Variants in RAVER2 observed in about 807,000 individuals in gnomAD.
RAVER2 encodes the protein ribonucleoprotein, PTB binding 2.
Under a neutral mutation model 78.1 loss-of-function variants are expected in RAVER2, and 46 were observed. The observed-to-expected ratio is 0.59, with a 90% CI of 0.46 to 0.75. RAVER2 has a LOEUF of 0.75. Ranked by LOEUF, RAVER2 falls within the 30% of genes least tolerant of loss-of-function variation. The pLI, the probability that RAVER2 is intolerant of heterozygous loss-of-function variation, is 0.00. For missense variants in RAVER2, 793 were observed against 837.5 expected (o/e 0.95, Z 0.66); for synonymous variants, 311 against 313.3 (o/e 0.99, Z 0.08).
chr1:64,747,167 G>A (rs1431345626), intron 1 of RAVER2, among the ~76,000 whole-genome samples: 1 of 152,092 alleles, frequency 6.6e-6, no homozygotes, highest in Non-Finnish European at 1.5e-5. Context: ...ATTACACTGG[G>A]ATTTGTATTT....
At chr1:64,805,146 G>A (rs1161581179) in intron 8 of RAVER2, 41 bp downstream of exon 8, 4 of 1,534,536 alleles carry the variant, frequency 2.6e-6, no homozygotes, top group Admixed American at 1.7e-5. Context: ...TAAACAGTCA[G>A]GTTTGAGATT....
intron 11 of RAVER2, among the ~76,000 whole-genome samples, chr1:64,823,238 G>C (rs186848902): frequency 6.6e-6 from 1 of 152,312 alleles, no homozygotes; most frequent in East Asian, 1.9e-4. Flanking sequence ...AAAGTAGTTA[G>C]TTATGAGCAA....
chr1:64,814,852 C>A lies in RAVER2; in HGVS notation c.1929+12C>A. 1 of 1,529,142 alleles carries A rather than the reference C, an allele frequency of 6.5e-7. No homozygotes were observed. Among genetic ancestry groups the A allele is most frequent in the Non-Finnish European group, 8.8e-7 (1 of 1,134,674 alleles). 94.7% of individuals were successfully genotyped at this position (1,529,142 alleles called of 1,614,324 possible). On this transcript the variant is annotated intron_variant, in intron 11 of 11. Transcript: ENST00000294428. ...GTGATTATGCACAGGTAAATAATTC[C>A]CAGGTTCTGATGATACTCAGAAAAA...
At chr1:64,821,598 A>C (rs1301128712) in intron 11 of RAVER2, among the ~76,000 whole-genome samples, 2 of 152,228 alleles carry the variant, frequency 1.3e-5, no homozygotes, top group Admixed American at 1.3e-4. Context: ...AACAGAATAG[A>C]GAGCCCAGAA....
chr1:64,750,964 A>G (rs915270512), intron 1 of RAVER2, among the ~76,000 whole-genome samples: 1 of 152,230 alleles, frequency 6.6e-6, no homozygotes, highest in Non-Finnish European at 1.5e-5. Flanking sequence ...CTGGGACACC[A>G]CTGTCTCCTT....
chr1:64,789,478 C>T (rs373293420), exon 5 of RAVER2: 6 of 1,609,140 alleles, frequency 3.7e-6, no homozygotes, highest in Middle Eastern at 1.7e-4. Context: ...GCAAGTTCTT[C>T]TACAGCCCCA....
At chr1:64,762,979 A>G (rs555370981) in intron 1 of RAVER2, among the ~76,000 whole-genome samples, 2 of 152,240 alleles carry the variant, frequency 1.3e-5, no homozygotes, top group African/African-American at 2.4e-5. Context: ...TGCAATACCA[A>G]TATTTGACAA....
chr1:64,833,091 G>GTGTTGTT (rs60101975), exon 12 of RAVER2: 13,389 of 179,728 alleles, frequency 0.074, 698 homozygotes, highest in Non-Finnish European at 0.097. Context: ...AAATCAAGTG[G>GTGTTGTT]TGTTTGTTTG....
intron 11 of RAVER2, chr1:64,816,327 T>A (rs1471022609): frequency 1.3e-5 from 2 of 152,214 alleles, no homozygotes; most frequent in Non-Finnish European, 2.9e-5. Context: ...AGAGATATGG[T>A]GGGGAAATGA....
chr1:64,776,279 T>C (rs772203088), intron 2 of RAVER2, among the ~76,000 whole-genome samples: 2 of 152,214 alleles, frequency 1.3e-5, no homozygotes, highest in Non-Finnish European at 2.9e-5. Context: ...AGATAGCCTT[T>C]TAATAAGGGC....
exon 9 of RAVER2, chr1:64,807,374 C>T (rs748813614): frequency 4.3e-6 from 7 of 1,614,140 alleles, no homozygotes; most frequent in Non-Finnish European, 5.9e-6. Flanking sequence ...GGGTCGCAGC[C>T]TTATCTTCAG....
At chr1:64,760,816 G>T (rs1055058747) in intron 1 of RAVER2, among the ~76,000 whole-genome samples, 4 of 152,128 alleles carry the variant, frequency 2.6e-5, no homozygotes, top group Non-Finnish European at 5.9e-5. Flanking sequence ...AGATTAGGAG[G>T]CCAGTGATGC....
In RAVER2 at chr1:64,745,505, A is replaced by T; in HGVS notation, c.249+84A>T. 1 of 1,417,030 alleles carries T rather than the reference A, an allele frequency of 7.1e-7. No homozygotes were observed. Among genetic ancestry groups the T allele is most frequent in the Non-Finnish European group, 9.4e-7 (1 of 1,069,220 alleles). The allele number at this position is 1,417,030 out of a possible 1,614,324, so 87.8% of individuals were successfully genotyped here. A position where few individuals can be genotyped will look rare whatever the true frequency, so the allele number is the denominator to read the frequency against. ...TCCAGGCTGGGATCGGGGGCGCCTC[A>T]GAGCGGTCCTGGGGAGTGGGTCGGC... On this transcript the variant is annotated intron_variant, in intron 1 of 11. Transcript: ENST00000294428. This position sits in a 1 kb window ranked among gnomAD's most constrained non-coding sequence, Gnocchi z 4.3.
intron 9 of RAVER2, among the ~76,000 whole-genome samples, chr1:64,809,565 C>T (rs893058373): frequency 4.6e-5 from 7 of 151,992 alleles, no homozygotes; most frequent in East Asian, 3.9e-4. Context: ...GAATTTTATT[C>T]AGGGAGACAG....
chr1:64,808,996 A>G lies in RAVER2; in HGVS notation c.1680+1522A>G, dbSNP rs189384706. Among the ~76,000 whole-genome samples the G allele has an allele frequency of 2.1e-3, 321 of 152,272 alleles. 3 individuals carry two copies. The highest frequency in any genetic ancestry group is 7.1e-3 in the African/African-American group (294 of 41,562). On this transcript the variant is annotated intron_variant, in intron 9 of 11. Coordinates refer to ENST00000294428, the Ensembl canonical transcript of RAVER2. ...GCCAAAATGGGGGCAGGTTCTGGAAAATAAGTCCTGTGAAGAAGAATTCAG... is the reference window on the plus strand; with the variant it reads ...GCCAAAATGGGGGCAGGTTCTGGAAGATAAGTCCTGTGAAGAAGAATTCAG...
At chr1:64,766,139 G>A (rs1345263103) in intron 1 of RAVER2, among the ~76,000 whole-genome samples, 1 of 152,164 alleles carries the variant, frequency 6.6e-6, no homozygotes, top group African/African-American at 2.4e-5. Context: ...TATGGAAATA[G>A]TTTACTAAAG....
intron 10 of RAVER2, among the ~76,000 whole-genome samples, chr1:64,814,118 AGAGT>A (rs1360784112): frequency 6.6e-6 from 1 of 151,830 alleles, no homozygotes; most frequent in Non-Finnish European, 1.5e-5. Context: ...TTTGTGAGAC[AGAGT>A]CTTGCTCTGT....
intron 8 of RAVER2, among the ~76,000 whole-genome samples, chr1:64,805,902 A>G (rs903661775): frequency 5.3e-5 from 8 of 152,168 alleles, no homozygotes; most frequent in Non-Finnish European, 1.2e-4. Context: ...TAAATTTTTT[A>G]TGTCTAAAAG....
chr1:64,819,803 G>A (rs1653839152), intron 11 of RAVER2, among the ~76,000 whole-genome samples: 1 of 152,086 alleles, frequency 6.6e-6, no homozygotes, highest in Non-Finnish European at 1.5e-5. Context: ...TTAACGTTTG[G>A]GGCTGAATAA....
Sources: gnomAD v4.1 joint callset for allele counts (sites outside exome capture counted in the v4.1 genomes callset) on GRCh38, gnomAD v4.1.1 for gene constraint, Gnocchi (gnomAD v3.1) non-coding constraint, MANE v1.5 for transcripts, NCBI Gene and HGNC (gene_info 2026-07-23, HGNC 2026-07-21) for gene names.